COL9A1: variants seen among roughly 807,000 people sequenced by gnomAD.
The protein encoded by COL9A1 is collagen alpha-1(IX) chain.
A neutral mutation model predicts 142.6 loss-of-function variants in COL9A1; 104 were observed. The ratio of observed to expected loss-of-function variants is 0.73; its 90% confidence interval spans 0.62 to 0.86. The LOEUF (loss-of-function observed/expected upper bound fraction) is 0.86. Ranked by LOEUF, COL9A1 falls within the 40% of genes least tolerant of loss-of-function variation. The pLI, the probability that COL9A1 is intolerant of heterozygous loss-of-function variation, is 0.00. For synonymous variants in COL9A1, 466 were observed against 396.0 expected, an observed-to-expected ratio of 1.18 and a Z score of -2.10; for missense variants, 1,210 against 1,176.6, an observed-to-expected ratio of 1.03 and a Z score of -0.42.
intron 16 of COL9A1, 74 bp from the exon 17 acceptor site, chr6:70,268,934 A>C: frequency 4.5e-6 from 6 of 1,323,242 alleles, no homozygotes; most frequent in Non-Finnish European, 6.5e-6. Context: ...GCTTTGTGAC[A>C]GTATCTTTTT....
At chr6:70,281,631 C>T (rs1773174647) in intron 7 of COL9A1, among the ~76,000 whole-genome samples, 167 bp from the exon 8 acceptor site, 1 of 152,140 alleles carries the variant, frequency 6.6e-6, no homozygotes, top group Non-Finnish European at 1.5e-5. Flanking sequence ...GCAAGCGCAG[C>T]TTTGGTCTCC....
chr6:70,268,740 T>C, intron 17 of COL9A1, 64 bp downstream of exon 17: 1 of 1,474,652 alleles, frequency 6.8e-7, no homozygotes, highest in Admixed American at 1.7e-5. Context: ...GGCTAATGCT[T>C]AAAGTAAAGG....
chr6:70,230,896 A>G (rs1453823307), intron 36 of COL9A1, among the ~76,000 whole-genome samples: 1 of 152,216 alleles, frequency 6.6e-6, no homozygotes, highest in Non-Finnish European at 1.5e-5. Context: ...TTCATTTTTT[A>G]AAGAAGAGTT....
chr6:70,254,178 A>T (rs2127576092), intron 25 of COL9A1, among the ~76,000 whole-genome samples: 1 of 152,318 alleles, frequency 6.6e-6, no homozygotes, highest in Non-Finnish European at 1.5e-5. Context: ...GAAATATATC[A>T]CACTGGCCTA....
At position 70,234,583 on chromosome 6, in the gene COL9A1, G is replaced by A. The variant is rs757218488; in HGVS notation, c.2270C>T (p.Pro757Leu). ...PGVQGPPGRA[P>L]TDQHIKQVCM... Reference sequence around the variant, plus strand: ...AACCTGCTTAATGTGCTGATCTGTCGGTGCTCTACCCTGGGACAGAAAAGA... The same window carrying A: ...AACCTGCTTAATGTGCTGATCTGTCAGTGCTCTACCCTGGGACAGAAAAGA... The change falls in exon 35 of 38, where the codon CCG becomes CTG. Residue 757 changes from proline (P) to leucine (L), a missense_variant. By Grantham distance (98) the Pro-to-Leu change is moderately conservative. Coordinates refer to ENST00000357250, the MANE Select transcript of COL9A1 (RefSeq NM_001851.6). 6.8e-6 allele frequency: 11 copies of A among 1,614,094 alleles called. No homozygotes were observed. Among genetic ancestry groups the A allele is most frequent in the Admixed American group, 3.3e-5 (2 of 60,026 alleles).
At chr6:70,276,638 A>T (rs1023383892) in intron 10 of COL9A1, among the ~76,000 whole-genome samples, 43 of 152,208 alleles carry the variant, frequency 2.8e-4, no homozygotes, top group Admixed American at 6.5e-5. Context: ...ATAACTATGC[A>T]GAAAACCGTA....
chr6:70,224,779 T>C (rs1194103434), intron 37 of COL9A1, among the ~76,000 whole-genome samples: 2 of 152,206 alleles, frequency 1.3e-5, no homozygotes, highest in African/African-American at 4.8e-5. Flanking sequence ...CTTTCATTAC[T>C]AATCATAAAT....
At position 70,242,016 on chromosome 6, in the gene COL9A1, C is replaced by T; in HGVS notation, c.1946G>A (p.Gly649Asp). Reference protein sequence around the residue: ...PGKLGSLGSPGLPGLPGPPGL... With the variant: ...PGKLGSLGSPDLPGLPGPPGL... ...AGGGGGCCCAGGCAAGCCAGGGAGG[C>T]CAGGGCTACCCAGAGAACCCTGGAA... Residue 649 changes from glycine to aspartate, a missense_variant, in exon 30 of 38, where the codon GGC becomes GAC. Transcript: ENST00000357250. 1 of 1,596,638 alleles carries T rather than the reference C, an allele frequency of 6.3e-7. No homozygotes were observed. The highest frequency in any genetic ancestry group is 8.5e-7 in the Non-Finnish European group (1 of 1,170,216).
chr6:70,255,248 C>T lies in COL9A1; in HGVS notation c.1558-45G>A, dbSNP rs140779406. ...GAATAGACAAGACATGTTCAGTTAA[C>T]ATAATACTTAGACTTGTCAAAGAGA... On this transcript the variant is annotated intron_variant, in intron 22 of 37. Coordinates refer to ENST00000357250, the MANE Select transcript of COL9A1 (RefSeq NM_001851.6). 2,373 of 1,611,862 alleles carry T rather than the reference C, an allele frequency of 1.5e-3. 52 individuals carry two copies. The East Asian group carries it at 0.042, about 29-fold the overall frequency.
intron 6 of COL9A1, 34 bp downstream of exon 6, chr6:70,283,703 A>G: frequency 6.5e-7 from 1 of 1,529,314 alleles, no homozygotes. Flanking sequence ...TGAGCTGGGT[A>G]GAAGTGGCCT....
At chr6:70,291,653 T>C (rs1433677749) in intron 5 of COL9A1, among the ~76,000 whole-genome samples, 1 of 152,202 alleles carries the variant, frequency 6.6e-6, no homozygotes, top group African/African-American at 2.4e-5. Context: ...AGACATGTTT[T>C]ATACTGTACA....
At chr6:70,294,120 A>G in intron 5 of COL9A1, 47 bp downstream of exon 5, 1 of 1,608,596 alleles carries the variant, frequency 6.2e-7, no homozygotes, top group Non-Finnish European at 8.5e-7. Flanking sequence ...CATTTTTACC[A>G]ATCTAGTTTT....
chr6:70,241,618 T>G (rs1275361180), intron 30 of COL9A1, among the ~76,000 whole-genome samples, 164 bp from the exon 31 acceptor site: 3 of 152,150 alleles, frequency 2.0e-5, no homozygotes, highest in Admixed American at 2.0e-4. Context: ...AAACATAAGT[T>G]TCCACATTAG....
intron 28 of COL9A1, among the ~76,000 whole-genome samples, chr6:70,246,783 T>C (rs2127570418): frequency 6.6e-6 from 1 of 152,324 alleles, no homozygotes; most frequent in South Asian, 2.1e-4. Flanking sequence ...TTTGAGCTAC[T>C]GAGGCATATG....
chr6:70,254,852 G>A, intron 24 of COL9A1, 111 bp downstream of exon 24: 2 of 1,026,136 alleles, frequency 1.9e-6, no homozygotes, highest in South Asian at 1.3e-5. Flanking sequence ...AAGGGAAAAA[G>A]CCAAAGCTAG....
chr6:70,263,219 A>AAATAT, intron 19 of COL9A1, 25 bp downstream of exon 19: 1 of 1,543,824 alleles, frequency 6.5e-7, no homozygotes. Context: ...TATCCTAGTT[A>AAATAT]AATATTTTTT....
chr6:70,290,537 A>T (rs150713415), intron 5 of COL9A1, among the ~76,000 whole-genome samples: 1 of 152,098 alleles, frequency 6.6e-6, no homozygotes, highest in Non-Finnish European at 1.5e-5. Flanking sequence ...GCCTATGAAA[A>T]CCCTTTGAAA....
intron 37 of COL9A1, among the ~76,000 whole-genome samples, chr6:70,219,007 T>C (rs1457088887): frequency 6.6e-6 from 1 of 152,232 alleles, no homozygotes; most frequent in African/African-American, 2.4e-5. Context: ...ATTATGTGTT[T>C]TCTTTTAATG....
In COL9A1 at chr6:70,294,315, A is replaced by C. The variant is rs759724577; in HGVS notation, c.548T>G (p.Ile183Ser). ...ACTACTCCTCTCCACGCCAATCATGATCTTATGCCACTGGGAATCAAACAA... is the reference window on the plus strand; with the variant it reads ...ACTACTCCTCTCCACGCCAATCATGCTCTTATGCCACTGGGAATCAAACAA... ...SSLFDSQWHKIMIGVERSSAT... is the reference protein window; with the variant it reads ...SSLFDSQWHKSMIGVERSSAT... The change falls in exon 5 of 38, where the codon ATC becomes AGC. Residue 183 changes from isoleucine (I) to serine (S), a missense_variant. Coordinates refer to ENST00000357250, the MANE Select transcript of COL9A1 (RefSeq NM_001851.6). The C allele has an allele frequency of 1.2e-6, 2 of 1,614,050 alleles. No homozygotes were observed. The highest frequency in any genetic ancestry group is 2.2e-5 in the South Asian group (2 of 91,082).
Sources: gnomAD v4.1 joint callset for allele counts (sites outside exome capture counted in the v4.1 genomes callset) on GRCh38, gnomAD v4.1.1 for gene constraint, MANE v1.5 for transcripts, NCBI Gene and HGNC (gene_info 2026-07-23, HGNC 2026-07-21) for gene names.